Variants in GAS7 observed in about 807,000 individuals in gnomAD.
GAS7 encodes the protein growth arrest specific 7, also known as growth arrest-specific protein 7.
In GAS7, 28 loss-of-function variants were observed where a neutral mutation model predicts 71.1. The observed-to-expected ratio is 0.39, with a 90% confidence interval of 0.29 to 0.54. GAS7 has a LOEUF of 0.54. Among genes scored for constraint, GAS7 ranks in the 20% least tolerant of loss-of-function variants. The pLI, the probability that GAS7 is intolerant of heterozygous loss-of-function variation, is 0.62. For missense variants in GAS7, 436 were observed against 627.8 expected (o/e 0.69, Z 3.27); for synonymous variants, 258 against 245.8 (o/e 1.05, Z -0.46).
chr17:10,045,889 C>T (rs2072947522), intron 1 of GAS7, among the ~76,000 whole-genome samples: 1 of 152,072 alleles, frequency 6.6e-6, no homozygotes, highest in Non-Finnish European at 1.5e-5. Flanking sequence ...ATATTTTTTT[C>T]GAACTGACTT....
chr17:10,162,066 C>CAA (rs58368044), intron 1 of GAS7, among the ~76,000 whole-genome samples: 2,965 of 103,460 alleles, frequency 0.029, 171 homozygotes, highest in African/African-American at 0.096. Flanking sequence ...GACTCCATCT[C>CAA]AAAAAAAAAA....
chr17:10,113,267 G>A (rs1222836187), intron 1 of GAS7, among the ~76,000 whole-genome samples: 3 of 152,188 alleles, frequency 2.0e-5, no homozygotes, highest in Admixed American at 2.0e-4. Context: ...CTTGTTAGAG[G>A]CAATCTGGCC....
rs11444410 is a variant in GAS7, at chr17:10,074,952, CA to C, written c.184-55056del. On this transcript the variant is annotated intron_variant, in intron 1 of 13. Coordinates refer to ENST00000432992, the MANE Select transcript of GAS7 (RefSeq NM_201433.2). ...AAACTCACCATATCAAAAGAAACTA[CA>C]AAAAAAAAAAATAGGATAATCTGGA... Among the ~76,000 whole-genome samples, 713 of 143,872 alleles carry C rather than the reference CA, an allele frequency of 5.0e-3. 1 individual carries two copies. Among genetic ancestry groups the C allele is most frequent in the African/African-American group, 0.014 (539 of 39,826 alleles). 94.4% of individuals were successfully genotyped at this position (143,872 alleles called of 152,430 possible). A position where few individuals can be genotyped will look rare whatever the true frequency, so the allele number is the denominator to read the frequency against.
At position 9,916,941 on chromosome 17, in the gene GAS7, C is replaced by A. The variant is rs1460262690; in HGVS notation, c.*287G>T. The A allele has an allele frequency of 3.9e-6, 2 of 513,994 alleles. No individual in the cohort carries two copies. The highest frequency in any genetic ancestry group is 3.5e-6 in the Non-Finnish European group (1 of 288,936). 31.8% of individuals were successfully genotyped at this position (513,994 alleles called of 1,614,324 possible). ...GACCCCTACAAAACTCGGCAAGGAC[C>A]ACAAAGTTCCAGCCTCTGTTTGTTT... On this transcript the variant is annotated 3_prime_UTR_variant, in exon 14 of 14. Coordinates refer to ENST00000432992, the MANE Select transcript of GAS7 (RefSeq NM_201433.2).
intron 2 of GAS7, among the ~76,000 whole-genome samples, chr17:10,005,138 CGCGCACGCATGCATGCATGTGTGT>C (rs60766020): frequency 0.32 from 47,906 of 149,696 alleles, 9,434 homozygotes; most frequent in East Asian, 0.54. Context: ...AGCATGTGTG[CGCGCACGCATGCATGCATGTGTGT>C]GCGCACGCAT....
At chr17:10,176,951 TCATCAAATACTTA>T (rs1274379825) in intron 1 of GAS7, among the ~76,000 whole-genome samples, 2 of 152,156 alleles carry the variant, frequency 1.3e-5, no homozygotes, top group Admixed American at 6.6e-5. Context: ...ACCCATCCAG[TCATCAAATACTTA>T]CTGAGCCAGA....
At chr17:9,935,073 T>C (rs1054946712) in intron 8 of GAS7, among the ~76,000 whole-genome samples, 1 of 152,166 alleles carries the variant, frequency 6.6e-6, no homozygotes, top group African/African-American at 2.4e-5. Flanking sequence ...AAACAGCAGG[T>C]ATCACACAGC....
chr17:10,016,615 A>C lies in GAS7; in HGVS notation c.304+3162T>G, dbSNP rs571265652. The stretch of plus-strand genomic sequence containing the variant: ...CCCTGTCTCTACCAAAAAAAAAAAA[A>C]AAAAAAAAACAAAACAAAAAAAACT... On this transcript the variant is annotated intron_variant, in intron 2 of 13. Transcript: ENST00000432992. 9.8e-3 allele frequency among the ~76,000 whole-genome samples: 1,446 copies of C among 147,316 alleles called. 46 individuals are homozygous for C. Among genetic ancestry groups the C allele is most frequent in the East Asian group, 0.096 (488 of 5,084 alleles).
At chr17:9,918,458 C>T (rs767335561) in intron 12 of GAS7, among the ~76,000 whole-genome samples, 28 of 152,342 alleles carry the variant, frequency 1.8e-4, no homozygotes, top group Middle Eastern at 3.4e-3. Context: ...TCACCCAAAG[C>T]GACACGGAAT....
intron 1 of GAS7, among the ~76,000 whole-genome samples, chr17:10,104,480 T>C (rs928289002): frequency 3.3e-5 from 5 of 152,180 alleles, no homozygotes; most frequent in Admixed American, 2.6e-4. Context: ...ACATTCTCTA[T>C]TCCCAATGAC....
chr17:9,935,106 C>T (rs953458750), intron 8 of GAS7, among the ~76,000 whole-genome samples: 1 of 152,204 alleles, frequency 6.6e-6, no homozygotes, highest in African/African-American at 2.4e-5. Context: ...AAAAACCCAG[C>T]TCCTTGGCTT....
intron 1 of GAS7, among the ~76,000 whole-genome samples, chr17:10,058,787 T>C (rs9891268): frequency 0.032 from 4,945 of 152,312 alleles, 286 homozygotes; most frequent in African/African-American, 0.11. Flanking sequence ...CAGGGGAAGA[T>C]ATTTAGCACA....
chr17:10,092,304 G>C (rs570672455), intron 1 of GAS7, among the ~76,000 whole-genome samples: 1 of 152,304 alleles, frequency 6.6e-6, no homozygotes, highest in South Asian at 2.1e-4. Context: ...TGCTCTGAGA[G>C]AGGAAAACAG....
chr17:9,968,165 A>G (rs530109095), intron 4 of GAS7, among the ~76,000 whole-genome samples: 1 of 152,360 alleles, frequency 6.6e-6, no homozygotes, highest in South Asian at 2.1e-4. Context: ...CACTTCAAAC[A>G]GGATAACAGA....
At chr17:10,050,635 G>A (rs2073050078) in intron 1 of GAS7, among the ~76,000 whole-genome samples, 1 of 152,090 alleles carries the variant, frequency 6.6e-6, no homozygotes, top group African/African-American at 2.4e-5. Flanking sequence ...TCTCCATCAG[G>A]CCCAGCTCTC....
Position 9,972,749 on chromosome 17 carries a change from GAATA to G in GAS7, c.386-2991_386-2988del, listed in dbSNP as rs1343031129. On this transcript the variant is annotated intron_variant, in intron 3 of 13. Coordinates refer to ENST00000432992, the MANE Select transcript of GAS7 (RefSeq NM_201433.2). Reference sequence around the variant, plus strand: ...ATAAAAGTAGATATTAATAATGAAAGAATAAATATACAAGATCCCCATCCCCCCA... The same window carrying G: ...ATAAAAGTAGATATTAATAATGAAAGAATATACAAGATCCCCATCCCCCCA... Among the ~76,000 whole-genome samples, 3 of 151,994 alleles carry G rather than the reference GAATA, an allele frequency of 2.0e-5. No individual in the cohort carries two copies. In the East Asian group the frequency reaches 5.8e-4, roughly 29 times the overall value.
At chr17:10,133,158 C>G (rs1251355059) in intron 1 of GAS7, among the ~76,000 whole-genome samples, 2 of 142,460 alleles carry the variant, frequency 1.4e-5, no homozygotes, top group Non-Finnish European at 3.1e-5. Context: ...GAGTCTCGCT[C>G]TGTCGCCCAG....
chr17:10,028,953 A>G (rs1393787039), intron 1 of GAS7, among the ~76,000 whole-genome samples: 1 of 152,238 alleles, frequency 6.6e-6, no homozygotes, highest in Non-Finnish European at 1.5e-5. Context: ...AGACCAGCAG[A>G]AAAGCTCTAA....
intron 1 of GAS7, among the ~76,000 whole-genome samples, chr17:10,150,792 T>C (rs532610287): frequency 2.6e-4 from 39 of 152,142 alleles, no homozygotes; most frequent in African/African-American, 8.4e-4. Flanking sequence ...TTTCACCATG[T>C]TGGCCAGGCT....
Sources: gnomAD v4.1 joint callset for allele counts (sites outside exome capture counted in the v4.1 genomes callset) on GRCh38, gnomAD v4.1.1 for gene constraint, MANE v1.5 for transcripts, NCBI Gene and HGNC (gene_info 2026-07-23, HGNC 2026-07-21) for gene names.